The following MAGEC3 variants were observed in gnomAD, a reference collection of about 807,000 sequenced individuals.
MAGEC3 encodes the protein melanoma-associated antigen C3.
A neutral mutation model predicts 35.3 loss-of-function variants in MAGEC3; 34 were observed. The ratio of observed to expected loss-of-function variants is 0.96; its 90% CI spans 0.73 to 1.28. MAGEC3 has a LOEUF of 1.28. Among genes scored for constraint, MAGEC3 ranks in the 50% most tolerant of loss-of-function variants. The pLI is 0.00. For missense variants in MAGEC3, 561 were observed against 483.6 expected, an observed-to-expected ratio of 1.16 and a Z score of -1.50; for synonymous variants, 202 against 185.6, an observed-to-expected ratio of 1.09 and a Z score of -0.72.
intron 4 of MAGEC3, among the ~76,000 whole-genome samples, chrX:141,887,251 G>A (rs145136329): frequency 0.025 from 2,851 of 112,286 alleles, 96 homozygotes; most frequent in African/African-American, 0.083. Context: ...CCACTCTCCT[G>A]CTTTGTGTCA....
intron 3 of MAGEC3, 101 bp from the exon 4 acceptor site, chrX:141,881,302 C>A (rs752944602): frequency 1.0e-6 from 1 of 994,171 alleles, no homozygotes; most frequent in African/African-American, 1.9e-5. Flanking sequence ...TCCCCAGGGT[C>A]CTCTCCAGGG....
intron 4 of MAGEC3, among the ~76,000 whole-genome samples, chrX:141,889,035 T>C (rs34490719): frequency 0.097 from 10,855 of 111,758 alleles, 718 homozygotes; most frequent in African/African-American, 0.23. Context: ...TTCCACACAG[T>C]ATTGCCTCTG....
chrX:141,866,371 G>A (rs1281950457), intron 2 of MAGEC3, among the ~76,000 whole-genome samples: 1 of 111,926 alleles, frequency 8.9e-6, no homozygotes, highest in Non-Finnish European at 1.9e-5. Context: ...ATTTTTGCAT[G>A]TGGATGTCCA....
intron 6 of MAGEC3, chrX:141,896,064 C>A (rs2124131566): frequency 1.6e-5 from 2 of 128,776 alleles, no homozygotes; most frequent in African/African-American, 3.3e-5. Context: ...CTGATGGGAC[C>A]ATGCAGTCCA....
intron 1 of MAGEC3, among the ~76,000 whole-genome samples, chrX:141,850,071 G>T (rs1433385041): frequency 9.0e-6 from 1 of 111,127 alleles, no homozygotes; most frequent in Non-Finnish European, 1.9e-5. Context: ...TATCCTTTAT[G>T]GCAACATGAA....
chrX:141,876,199 G>C (rs2017919190), intron 2 of MAGEC3, among the ~76,000 whole-genome samples: 1 of 112,018 alleles, frequency 8.9e-6, no homozygotes, highest in Non-Finnish European at 1.9e-5. Flanking sequence ...AGTATTTGTG[G>C]ACCTGGTCAG....
chrX:141,880,368 T>C (rs1211479428), intron 3 of MAGEC3, among the ~76,000 whole-genome samples: 4 of 107,119 alleles, frequency 3.7e-5, no homozygotes, highest in Non-Finnish European at 5.8e-5. Context: ...AAGGTGAGGA[T>C]GCTAATTAAA....
intron 1 of MAGEC3, among the ~76,000 whole-genome samples, chrX:141,864,963 G>A (rs1167310617): frequency 1.8e-5 from 2 of 111,568 alleles, no homozygotes; most frequent in South Asian, 7.5e-4. Context: ...ATTTTAATTT[G>A]TTTTTCTGTA....
chrX:141,849,678 A>G (rs191866915), intron 1 of MAGEC3, among the ~76,000 whole-genome samples: 66 of 111,145 alleles, frequency 5.9e-4, no homozygotes, highest in Middle Eastern at 4.6e-3. Context: ...ACAAATCAAA[A>G]CCACAATGAG....
chrX:141,886,640 A>AG (rs2018004629), intron 4 of MAGEC3, among the ~76,000 whole-genome samples: 1 of 110,636 alleles, frequency 9.0e-6, no homozygotes. Context: ...CTTACAGATG[A>AG]TCCAGTGGGT....
chrX:141,886,461 G>A (rs2018003395), intron 4 of MAGEC3, among the ~76,000 whole-genome samples: 1 of 110,926 alleles, frequency 9.0e-6, no homozygotes, highest in Non-Finnish European at 1.9e-5. Context: ...CCTTCTACTA[G>A]GGTAACTGTG....
At chrX:141,873,350 G>C (rs190807107) in intron 2 of MAGEC3, among the ~76,000 whole-genome samples, 1 of 110,835 alleles carries the variant, frequency 9.0e-6, no homozygotes, top group African/African-American at 3.3e-5. Flanking sequence ...TTATTAAGGC[G>C]CACTGTTTTA....
At chrX:141,843,198 A>G (rs1034279774) in intron 1 of MAGEC3, among the ~76,000 whole-genome samples, 4 of 111,609 alleles carry the variant, frequency 3.6e-5, no homozygotes, top group Non-Finnish European at 5.7e-5. Context: ...TATACATACA[A>G]CAGCTTCAAG....
At chrX:141,858,250 A>G (rs1370122781) in intron 1 of MAGEC3, among the ~76,000 whole-genome samples, 1 of 111,338 alleles carries the variant, frequency 9.0e-6, no homozygotes, top group Non-Finnish European at 1.9e-5. Flanking sequence ...ATCCACATTT[A>G]CAACTCAGAT....
intron 2 of MAGEC3, among the ~76,000 whole-genome samples, chrX:141,871,166 T>G (rs1299182632): frequency 1.8e-5 from 2 of 111,660 alleles, no homozygotes; most frequent in Admixed American, 1.9e-4. Flanking sequence ...GAAGAAGATC[T>G]AGTAGTTATA....
chrX:141,893,013 C>T (rs1182039677), intron 4 of MAGEC3, among the ~76,000 whole-genome samples: 5 of 111,496 alleles, frequency 4.5e-5, no homozygotes, highest in Non-Finnish European at 9.4e-5. Flanking sequence ...AACAGAAAAC[C>T]CAATTTAAAG....
At chrX:141,873,774 G>A (rs1297529980) in intron 2 of MAGEC3, among the ~76,000 whole-genome samples, 1 of 112,035 alleles carries the variant, frequency 8.9e-6, no homozygotes, top group Non-Finnish European at 1.9e-5. Flanking sequence ...TTGTCAAGAT[G>A]TCAATTCTAA....
chrX:141,859,631 G>A (rs963456708), intron 1 of MAGEC3, among the ~76,000 whole-genome samples: 1 of 110,981 alleles, frequency 9.0e-6, no homozygotes, highest in African/African-American at 3.3e-5. Context: ...AACCCTGCAC[G>A]TAACATTTCA....
At position 141,897,375 on chromosome X, in the gene MAGEC3, T is replaced by G. The variant is rs765660852; in HGVS notation, c.1617T>G (p.Asp539Glu). 2.5e-6 allele frequency: 3 copies of G among 1,212,038 alleles called. No homozygotes were observed. The highest frequency in any genetic ancestry group is 3.3e-6 in the Non-Finnish European group (3 of 895,607). Reference sequence around the variant, plus strand: ...TCACCTATGAGGGAAGCCTGATTGATGACCAGGGCATGCCCAAGAACTGTC... The same window carrying G: ...TCACCTATGAGGGAAGCCTGATTGAGGACCAGGGCATGCCCAAGAACTGTC... ...LDLTYEGSLI[D>E]DQGMPKNCLL... Residue 539 changes from aspartate (D) to glutamate (E), a missense_variant, in exon 7 of 8, where the codon GAT (aspartate) becomes GAG (glutamate). Transcript: ENST00000298296.
Sources: allele counts gnomAD v4.1 joint callset (sites outside exome capture counted in the v4.1 genomes callset), GRCh38; gene constraint gnomAD v4.1.1; transcripts MANE v1.5; gene names NCBI Gene and HGNC (gene_info 2026-07-23, HGNC 2026-07-21).